UNC5C: variants seen among roughly 807,000 people sequenced by gnomAD.
The protein encoded by UNC5C is netrin receptor UNC5C.
A neutral mutation model predicts 99.8 loss-of-function variants in UNC5C; 47 were observed. That is an observed-to-expected ratio of 0.47 (90% CI 0.37 to 0.60). The LOEUF (loss-of-function observed/expected upper bound fraction) is 0.60. UNC5C is among the 20% of genes least tolerant of loss of function. The probability of loss-of-function intolerance (pLI) is 0.00; values close to 1 mark genes in which losing one functional copy is unlikely to be tolerated. For synonymous variants in UNC5C, 487 were observed against 452.2 expected (o/e 1.08, Z -0.98); for missense variants, 1,062 against 1,165.9 (o/e 0.91, Z 1.30).
intron 1 of UNC5C, among the ~76,000 whole-genome samples, chr4:95,445,745 G>A (rs1747082190): frequency 6.6e-6 from 1 of 152,152 alleles, no homozygotes; most frequent in Non-Finnish European, 1.5e-5. Context: ...AATTTTCTGA[G>A]CAATGTGAGA....
At chr4:95,485,045 T>C (rs541279049) in intron 1 of UNC5C, among the ~76,000 whole-genome samples, 2 of 151,938 alleles carry the variant, frequency 1.3e-5, no homozygotes, top group East Asian at 1.9e-4. Context: ...CTATAAGTGG[T>C]CTCAAAAACA....
intron 1 of UNC5C, among the ~76,000 whole-genome samples, chr4:95,512,829 A>T (rs1365263853): frequency 6.6e-6 from 1 of 152,208 alleles, no homozygotes; most frequent in Non-Finnish European, 1.5e-5. Flanking sequence ...TGTTTAATTG[A>T]TAAGAAACTA....
intron 1 of UNC5C, among the ~76,000 whole-genome samples, chr4:95,493,202 A>G (rs1039498115): frequency 1.3e-5 from 2 of 151,386 alleles, no homozygotes; most frequent in African/African-American, 2.4e-5. Flanking sequence ...GGCTGCAGCT[A>G]TTAGGGATGA....
chr4:95,524,326 G>A (rs1318137678), intron 1 of UNC5C, among the ~76,000 whole-genome samples: 3 of 152,134 alleles, frequency 2.0e-5, no homozygotes, highest in Non-Finnish European at 4.4e-5. Context: ...GGGTTATTGT[G>A]AGGATTAAAA....
At chr4:95,296,052 C>T (rs1238909842) in intron 3 of UNC5C, among the ~76,000 whole-genome samples, 1 of 152,220 alleles carries the variant, frequency 6.6e-6, no homozygotes, top group African/African-American at 2.4e-5. Context: ...TGTGCTATTG[C>T]ACTCCCGTCT....
chr4:95,456,872 TA>T (rs1364446501), intron 1 of UNC5C, among the ~76,000 whole-genome samples: 1 of 152,130 alleles, frequency 6.6e-6, no homozygotes, highest in Non-Finnish European at 1.5e-5. Context: ...AAAAGCAAAT[TA>T]GAACATTTTC....
chr4:95,354,419 A>G (rs6856554), intron 1 of UNC5C, among the ~76,000 whole-genome samples: 3,216 of 148,700 alleles, frequency 0.022, 117 homozygotes, highest in African/African-American at 0.075. Flanking sequence ...CGCAGTTTCT[A>G]CACCTTCTGT....
chr4:95,320,294 C>T (rs979575687), intron 2 of UNC5C, among the ~76,000 whole-genome samples: 3 of 151,566 alleles, frequency 2.0e-5, no homozygotes, highest in South Asian at 2.1e-4. Flanking sequence ...TGGTGGCGGG[C>T]GCCTATAATC....
chr4:95,179,404 T>C (rs1263011383), intron 14 of UNC5C, among the ~76,000 whole-genome samples: 2 of 152,234 alleles, frequency 1.3e-5, no homozygotes, highest in Admixed American at 6.5e-5. Context: ...CTAGCAAATA[T>C]AAAACTTAAT....
chr4:95,305,112 G>A (rs1209707588), intron 2 of UNC5C, among the ~76,000 whole-genome samples: 2 of 152,314 alleles, frequency 1.3e-5, no homozygotes, highest in South Asian at 2.1e-4. Flanking sequence ...CAGCTTCACA[G>A]ATGTCCCATT....
chr4:95,479,011 G>T (rs1422147845), intron 1 of UNC5C, among the ~76,000 whole-genome samples: 1 of 151,926 alleles, frequency 6.6e-6, no homozygotes, highest in African/African-American at 2.4e-5. Context: ...ACTAGTAAAA[G>T]CTTCCTGAAG....
intron 1 of UNC5C, among the ~76,000 whole-genome samples, chr4:95,425,467 G>A (rs1419353394): frequency 6.6e-6 from 1 of 152,156 alleles, no homozygotes; most frequent in African/African-American, 2.4e-5. Context: ...GACTACAGGC[G>A]CTCGCCACCA....
chr4:95,446,539 G>A (rs1261659134), intron 1 of UNC5C, among the ~76,000 whole-genome samples: 1 of 152,230 alleles, frequency 6.6e-6, no homozygotes, highest in African/African-American at 2.4e-5. Flanking sequence ...GGTAGGGATT[G>A]ACGGAAAGTA....
intron 1 of UNC5C, among the ~76,000 whole-genome samples, chr4:95,428,239 G>A (rs1746539222): frequency 1.3e-5 from 2 of 151,916 alleles, no homozygotes; most frequent in South Asian, 4.1e-4. Flanking sequence ...TAACTATTAC[G>A]AGATTAAATT....
chr4:95,337,211 A>G (rs1230204908), intron 1 of UNC5C, among the ~76,000 whole-genome samples: 3 of 151,954 alleles, frequency 2.0e-5, no homozygotes, highest in African/African-American at 7.2e-5. Context: ...CTATTTATGA[A>G]GGTGGAAGGT....
chr4:95,388,652 A>G (rs894584775), intron 1 of UNC5C, among the ~76,000 whole-genome samples: 1 of 152,178 alleles, frequency 6.6e-6, no homozygotes, highest in Non-Finnish European at 1.5e-5. Context: ...GTAACAGTTC[A>G]TATTCTGAGC....
At chr4:95,314,221 G>A (rs548376198) in intron 2 of UNC5C, among the ~76,000 whole-genome samples, 24 of 152,260 alleles carry the variant, frequency 1.6e-4, no homozygotes, top group Middle Eastern at 3.4e-3. Flanking sequence ...CAGTGGACTC[G>A]GGCAAGTCAA....
chr4:95,273,911 A>G (rs1280821019), intron 4 of UNC5C, among the ~76,000 whole-genome samples: 1 of 152,080 alleles, frequency 6.6e-6, no homozygotes, highest in East Asian at 1.9e-4. Flanking sequence ...TTGCATCTTC[A>G]GGGACGAGAA....
intron 1 of UNC5C, among the ~76,000 whole-genome samples, chr4:95,343,822 G>A (rs1255321535): frequency 6.6e-6 from 1 of 152,068 alleles, no homozygotes; most frequent in African/African-American, 2.4e-5. Context: ...TCTCTTAAAA[G>A]CAGAATTAAT....
Sources: gnomAD v4.1 joint callset for allele counts (sites outside exome capture counted in the v4.1 genomes callset) on GRCh38, gnomAD v4.1.1 for gene constraint, MANE v1.5 for transcripts, NCBI Gene and HGNC (gene_info 2026-07-23, HGNC 2026-07-21) for gene names.